The following KSR2 variants were observed in gnomAD, a reference collection of about 807,000 sequenced individuals.
KSR2 encodes the protein kinase suppressor of ras 2.
KSR2 carries 25 observed loss-of-function variants against 107.8 expected under a neutral mutation model. The ratio of observed to expected loss-of-function variants is 0.23; its 90% CI spans 0.17 to 0.32. The LOEUF (loss-of-function observed/expected upper bound fraction) is 0.32, where lower values mean the gene tolerates loss of function less well. Among genes scored for constraint, KSR2 ranks in the 10% least tolerant of loss-of-function variants. The probability of loss-of-function intolerance (pLI) is 1.00; values close to 1 mark genes in which losing one functional copy is unlikely to be tolerated. For missense variants in KSR2, 887 were observed against 1,268.9 expected (o/e 0.70, Z 4.57); for synonymous variants, 480 against 507.0 (o/e 0.95, Z 0.71).
rs1168809767 is a variant in KSR2 at position 117,907,885 on chromosome 12, T to G, written c.181-47454A>C. Among the ~76,000 whole-genome samples the G allele has an allele frequency of 6.6e-6, 1 of 152,012 alleles. No homozygotes were observed. The highest frequency in any genetic ancestry group is 2.4e-5 in the African/African-American group (1 of 41,404). ...CAATTTACTGAAAAGGTATTCAAAA[T>G]AATCACACTGCTTGTCTTATAGAGA... On this transcript the variant is annotated intron_variant, in intron 1 of 19. Transcript: ENST00000339824. This position sits in a 1 kb window ranked among gnomAD's most constrained non-coding sequence, Gnocchi z 4.3.
intron 3 of KSR2, among the ~76,000 whole-genome samples, chr12:117,763,181 A>G (rs71452619): frequency 0.064 from 9,721 of 151,674 alleles, 507 homozygotes; most frequent in South Asian, 0.21. Context: ...GAGAATGATG[A>G]TTTCCAATTT....
chr12:117,493,823 C>T (rs965450638), intron 14 of KSR2, among the ~76,000 whole-genome samples: 1 of 152,054 alleles, frequency 6.6e-6, no homozygotes, highest in African/African-American at 2.4e-5. Flanking sequence ...GTGCTATTCT[C>T]GTGATAGGGA....
intron 3 of KSR2, among the ~76,000 whole-genome samples, chr12:117,794,143 CCCCAACATGCACACAT>C (rs1188221076): frequency 7.0e-4 from 90 of 128,080 alleles, no homozygotes; most frequent in South Asian, 3.6e-3. Context: ...CATGCACACA[CCCCAACATGCACACAT>C]ACACCAACAT....
At chr12:117,913,935 C>T (rs535861072) in intron 1 of KSR2, among the ~76,000 whole-genome samples, 6 of 152,192 alleles carry the variant, frequency 3.9e-5, no homozygotes, top group Non-Finnish European at 8.8e-5. Flanking sequence ...AACACACCAA[C>T]CTCTCCCATG....
chr12:117,922,073 A>G (rs1285969123), intron 1 of KSR2, among the ~76,000 whole-genome samples: 1 of 152,164 alleles, frequency 6.6e-6, no homozygotes, highest in Non-Finnish European at 1.5e-5. Flanking sequence ...GACAGAAGCC[A>G]GGGCTCTTTC....
chr12:117,923,688 T>C (rs557270796), intron 1 of KSR2, among the ~76,000 whole-genome samples: 1 of 152,188 alleles, frequency 6.6e-6, no homozygotes, highest in South Asian at 2.1e-4. Context: ...TGTGTGTGTA[T>C]GTATATGTGT....
intron 3 of KSR2, among the ~76,000 whole-genome samples, chr12:117,771,942 TACAC>T (rs1455217755): frequency 7.0e-6 from 1 of 142,106 alleles, no homozygotes; most frequent in Admixed American, 7.1e-5. Flanking sequence ...CACTCACACA[TACAC>T]ACCATTCCAT....
chr12:117,482,534 T>G (rs1365111813), intron 16 of KSR2, among the ~76,000 whole-genome samples: 2 of 152,112 alleles, frequency 1.3e-5, no homozygotes, highest in Non-Finnish European at 2.9e-5. Context: ...GGGTTTGTGT[T>G]GACAACCTGG....
intron 3 of KSR2, among the ~76,000 whole-genome samples, chr12:117,792,238 A>C (rs1414871394): frequency 6.6e-6 from 1 of 151,882 alleles, no homozygotes; most frequent in Non-Finnish European, 1.5e-5. Flanking sequence ...TAGTCCAGCT[A>C]CTCGAGGGGG....
chr12:117,914,235 C>T (rs1379851926), intron 1 of KSR2, among the ~76,000 whole-genome samples: 1 of 152,024 alleles, frequency 6.6e-6, no homozygotes, highest in Non-Finnish European at 1.5e-5. Flanking sequence ...TTGAGACCAG[C>T]CTGGTCAACA....
intron 17 of KSR2, among the ~76,000 whole-genome samples, chr12:117,475,237 T>C (rs1871702092): frequency 6.6e-6 from 1 of 152,160 alleles, no homozygotes. Flanking sequence ...AATGGCTCCT[T>C]AGTGCACTGA....
chr12:117,628,021 G>A (rs1333387002), intron 5 of KSR2, among the ~76,000 whole-genome samples: 2 of 152,164 alleles, frequency 1.3e-5, no homozygotes, highest in South Asian at 2.1e-4. Context: ...CACGCGTCAC[G>A]AAGTTCTCGT....
intron 5 of KSR2, among the ~76,000 whole-genome samples, chr12:117,602,196 T>C (rs746895506): frequency 1.1e-4 from 17 of 152,098 alleles, no homozygotes; most frequent in Non-Finnish European, 2.2e-4. Context: ...AAACAGGCAG[T>C]GGGCCAGGTT....
intron 4 of KSR2, among the ~76,000 whole-genome samples, chr12:117,738,835 A>G (rs1029850814): frequency 2.6e-5 from 4 of 152,178 alleles, no homozygotes; most frequent in Non-Finnish European, 5.9e-5. Context: ...AGATTGCGCC[A>G]CTGCACTCCG....
At chr12:117,713,050 T>C (rs994871055) in intron 4 of KSR2, among the ~76,000 whole-genome samples, 2 of 142,700 alleles carry the variant, frequency 1.4e-5, no homozygotes, top group Admixed American at 6.9e-5. Context: ...TAGACAAATA[T>C]ATAAATATAT....
At chr12:117,904,549 T>C (rs1238832373) in intron 1 of KSR2, among the ~76,000 whole-genome samples, 1 of 152,154 alleles carries the variant, frequency 6.6e-6, no homozygotes, top group Non-Finnish European at 1.5e-5. Context: ...TAAATAAAAA[T>C]CACAGTCCCT....
intron 3 of KSR2, among the ~76,000 whole-genome samples, chr12:117,807,945 A>G (rs1891068088): frequency 6.6e-6 from 1 of 152,228 alleles, no homozygotes; most frequent in Non-Finnish European, 1.5e-5. Context: ...TTGAGCTCCT[A>G]CAAATTTATG....
chr12:117,814,458 A>T (rs1169194969), intron 3 of KSR2, among the ~76,000 whole-genome samples: 2 of 152,164 alleles, frequency 1.3e-5, no homozygotes, highest in African/African-American at 4.8e-5. Flanking sequence ...TCATCTTGCC[A>T]TCAGGATAAA....
chr12:117,827,283 C>T (rs1241990268), intron 3 of KSR2, among the ~76,000 whole-genome samples: 1 of 152,194 alleles, frequency 6.6e-6, no homozygotes, highest in Non-Finnish European at 1.5e-5. Flanking sequence ...GCAGCCAGAT[C>T]CCCTTTGCAG....
Sources: allele counts gnomAD v4.1 joint callset (sites outside exome capture counted in the v4.1 genomes callset), GRCh38; gene constraint gnomAD v4.1.1; non-coding constraint Gnocchi (gnomAD v3.1); transcripts MANE v1.5; gene names NCBI Gene and HGNC (gene_info 2026-07-23, HGNC 2026-07-21).